DLGAP1: variants seen among roughly 807,000 people sequenced by gnomAD.
DLGAP1 encodes disks large-associated protein 1.
DLGAP1 carries 11 observed loss-of-function variants against 90.8 expected under a neutral mutation model. The ratio of observed to expected loss-of-function variants is 0.12; its 90% CI spans 0.08 to 0.20. DLGAP1 has a LOEUF of 0.20. DLGAP1 is among the 10% of genes least tolerant of loss of function. The pLI, the probability that DLGAP1 is intolerant of heterozygous loss-of-function variation, is 1.00. For missense variants in DLGAP1, 1,050 were observed against 1,333.8 expected (o/e 0.79, Z 3.31); for synonymous variants, 558 against 540.7 (o/e 1.03, Z -0.44).
chr18:3,744,988 T>C (rs1428649971), intron 5 of DLGAP1, among the ~76,000 whole-genome samples: 2 of 152,190 alleles, frequency 1.3e-5, no homozygotes, highest in South Asian at 2.1e-4. Context: ...AAATGAACTA[T>C]TTGACTAAAA....
intron 5 of DLGAP1, among the ~76,000 whole-genome samples, chr18:3,813,508 C>T (rs966402801): frequency 3.3e-5 from 5 of 152,150 alleles, no homozygotes; most frequent in Admixed American, 6.5e-5. Flanking sequence ...CAAAACAAAA[C>T]CTTTTTAAGG....
Position 3,709,657 on chromosome 18 carries a change from A to G in DLGAP1, c.1591+19478T>C, listed in dbSNP as rs1175625474. 1.3e-5 allele frequency among the ~76,000 whole-genome samples: 2 copies of G among 152,320 alleles called. 1 individual carries two copies. The highest frequency in any genetic ancestry group is 6.8e-3 in the Middle Eastern group (2 of 294). ...AGAAATTGAAGATTTAGCACATGGT[A>G]TTGACATGAAAAGTCAATGGAAAAA... is the stretch of plus-strand genomic sequence containing the variant. On this transcript the variant is annotated intron_variant, in intron 7 of 12. Coordinates refer to ENST00000315677, the MANE Select transcript of DLGAP1 (RefSeq NM_004746.4).
intron 1 of DLGAP1, among the ~76,000 whole-genome samples, chr18:4,439,975 C>A (rs1350568328): frequency 6.6e-6 from 1 of 151,678 alleles, no homozygotes; most frequent in Non-Finnish European, 1.5e-5. Context: ...AAAAAATTAG[C>A]CAGGCGTGGT....
At chr18:3,748,613 G>C (rs1040474081) in intron 5 of DLGAP1, among the ~76,000 whole-genome samples, 5 of 152,204 alleles carry the variant, frequency 3.3e-5, no homozygotes, top group African/African-American at 1.2e-4. Context: ...TATGGCCTCA[G>C]GAGGTTAATC....
At chr18:4,442,650 C>A in intron 1 of DLGAP1, among the ~76,000 whole-genome samples, 1 of 151,878 alleles carries the variant, frequency 6.6e-6, no homozygotes, top group Non-Finnish European at 1.5e-5. Context: ...CTTTTCAAAA[C>A]CTAAAGCTAG....
chr18:3,994,720 T>C (rs527603125), intron 3 of DLGAP1, among the ~76,000 whole-genome samples: 1 of 152,156 alleles, frequency 6.6e-6, no homozygotes, highest in Non-Finnish European at 1.5e-5. Context: ...ACTTTTAAAA[T>C]GACCAGAACC....
chr18:3,636,152 A>G (rs1030702804), intron 7 of DLGAP1, among the ~76,000 whole-genome samples: 9 of 147,916 alleles, frequency 6.1e-5, no homozygotes, highest in Non-Finnish European at 1.3e-4. Flanking sequence ...TGGAGTTTCC[A>G]CTCTCCCTTT....
intron 1 of DLGAP1, among the ~76,000 whole-genome samples, chr18:4,201,520 T>C (rs2144810261): frequency 6.6e-6 from 1 of 152,322 alleles, no homozygotes; most frequent in East Asian, 1.9e-4. Flanking sequence ...TTTTGGTAAC[T>C]ATATCCTTGT....
chr18:4,323,825 T>G (rs1232489685), intron 1 of DLGAP1, among the ~76,000 whole-genome samples: 3 of 152,146 alleles, frequency 2.0e-5, no homozygotes, highest in African/African-American at 7.2e-5. Context: ...TTGAATCTAA[T>G]GAGGAGGAAG....
intron 1 of DLGAP1, among the ~76,000 whole-genome samples, chr18:4,394,759 G>A (rs957421274): frequency 5.3e-5 from 8 of 152,084 alleles, no homozygotes; most frequent in South Asian, 4.1e-4. Flanking sequence ...TGATGATCAC[G>A]GAAATTAGTA....
chr18:3,920,490 G>A (rs558329996), intron 3 of DLGAP1, among the ~76,000 whole-genome samples: 22 of 152,080 alleles, frequency 1.4e-4, no homozygotes, highest in Non-Finnish European at 2.1e-4. Context: ...TGCTGCCACC[G>A]GGCATGTTCA....
intron 1 of DLGAP1, among the ~76,000 whole-genome samples, chr18:4,422,444 AT>A (rs113644295): frequency 0.067 from 10,206 of 151,940 alleles, 701 homozygotes; most frequent in African/African-American, 0.17. Flanking sequence ...TATCCAACTC[AT>A]TTTTACCTAT....
At chr18:3,771,625 C>G (rs2064555651) in intron 5 of DLGAP1, among the ~76,000 whole-genome samples, 1 of 152,220 alleles carries the variant, frequency 6.6e-6, no homozygotes, top group Non-Finnish European at 1.5e-5. Context: ...AAATCCTGAG[C>G]GAGTTGCTCA....
chr18:3,672,711 C>T (rs568146591), intron 7 of DLGAP1, among the ~76,000 whole-genome samples: 15 of 150,422 alleles, frequency 1.0e-4, no homozygotes, highest in East Asian at 3.9e-4. Context: ...TTAAAGTTAT[C>T]GTGTTCTCCC....
chr18:3,503,696 A>G (rs905281484), intron 11 of DLGAP1, among the ~76,000 whole-genome samples: 2 of 152,194 alleles, frequency 1.3e-5, no homozygotes, highest in Non-Finnish European at 2.9e-5. Flanking sequence ...AATAAAAATG[A>G]TATCAGAATT....
intron 1 of DLGAP1, among the ~76,000 whole-genome samples, chr18:4,223,839 T>C (rs377253199): frequency 1.3e-5 from 2 of 152,202 alleles, no homozygotes; most frequent in South Asian, 2.1e-4. Flanking sequence ...AGAGCATCCT[T>C]ATGGCACATA....
At chr18:3,921,542 T>TA (rs1354642054) in intron 3 of DLGAP1, among the ~76,000 whole-genome samples, 1 of 152,016 alleles carries the variant, frequency 6.6e-6, no homozygotes, top group Non-Finnish European at 1.5e-5. Context: ...GTAAAAAAAA[T>TA]AAAAAATGCA....
chr18:3,670,292 T>C (rs1812332934), intron 7 of DLGAP1, among the ~76,000 whole-genome samples: 2 of 150,516 alleles, frequency 1.3e-5, no homozygotes, highest in South Asian at 2.1e-4. Flanking sequence ...AAATTATACA[T>C]CCTGTGGGAG....
At chr18:3,666,021 G>A (rs2059867568) in intron 7 of DLGAP1, among the ~76,000 whole-genome samples, 1 of 152,086 alleles carries the variant, frequency 6.6e-6, no homozygotes, top group South Asian at 2.1e-4. Flanking sequence ...CTTAAAGGGA[G>A]CCCGGCTCCA....
Sources: gnomAD v4.1 joint callset for allele counts (sites outside exome capture counted in the v4.1 genomes callset) on GRCh38, gnomAD v4.1.1 for gene constraint, MANE v1.5 for transcripts, NCBI Gene and HGNC (gene_info 2026-07-23, HGNC 2026-07-21) for gene names.